ZNF710: variants seen among roughly 807,000 people sequenced by gnomAD.
ZNF710 encodes the protein zinc finger protein 710.
A neutral mutation model predicts 50.6 loss-of-function variants in ZNF710; 13 were observed. The observed-to-expected ratio is 0.26, with a 90% CI of 0.17 to 0.41. The LOEUF (loss-of-function observed/expected upper bound fraction) is 0.41. Among genes scored for constraint, ZNF710 ranks in the 10% least tolerant of loss-of-function variants. The pLI, the probability that ZNF710 is intolerant of heterozygous loss-of-function variation, is 1.00. For missense variants in ZNF710, 721 were observed against 936.6 expected (o/e 0.77, Z 3.01); for synonymous variants, 383 against 397.0 (o/e 0.96, Z 0.42).
At position 90,040,704 on chromosome 15, in the gene ZNF710, C is replaced by T. The variant is rs544090365; in HGVS notation, c.-28-26406C>T. On this transcript the variant is annotated intron_variant, in intron 1 of 4. Transcript: ENST00000268154. The surrounding 1 kb of genome is among the most constrained non-coding windows in gnomAD (Gnocchi z 4.6). ...GCTAAAGCAGCAGGCCCCGCCCCAC[C>T]TCGCTCCCCAACTCCAGCCCTCCAG... Among the ~76,000 whole-genome samples the T allele has an allele frequency of 5.9e-5, 9 of 152,046 alleles. No individual in the cohort carries two copies. The South Asian group carries it at 1.9e-3, about 32-fold the overall frequency.
rs138714308 is a variant in ZNF710 at position 90,068,684 on chromosome 15, T to G, written c.1458+89T>G. Reference sequence around the variant, plus strand: ...TTCCAAAGTCCCAGATGGGACCATTTAGGTGGTCTCCTAGTTTTATCGTTA... The same window carrying G: ...TTCCAAAGTCCCAGATGGGACCATTGAGGTGGTCTCCTAGTTTTATCGTTA... On this transcript the variant is annotated intron_variant, in intron 2 of 4. Coordinates refer to ENST00000268154, the MANE Select transcript of ZNF710 (RefSeq NM_198526.4). This position sits in a 1 kb window ranked among gnomAD's most constrained non-coding sequence, Gnocchi z 5.0. The G allele has an allele frequency of 3.3e-4, 464 of 1,401,856 alleles. 6 individuals carry two copies. In the African/African-American group the frequency reaches 6.0e-3, roughly 18 times the overall value. The allele number at this position is 1,401,856 out of a possible 1,614,324, so 86.8% of individuals were successfully genotyped here.
At chr15:90,029,807 G>A (rs895273648) in intron 1 of ZNF710, among the ~76,000 whole-genome samples, 20 of 151,728 alleles carry the variant, frequency 1.3e-4, no homozygotes, top group East Asian at 6.0e-4. Flanking sequence ...TAGAGATGGG[G>A]TTTCACCATG....
At chr15:90,074,367 A>T (rs746015006) in intron 4 of ZNF710, 77 bp downstream of exon 4, 1 of 1,591,680 alleles carries the variant, frequency 6.3e-7, no homozygotes, top group South Asian at 1.1e-5. Flanking sequence ...GCCCAGTTAG[A>T]GGAGTGGGGA....
intron 1 of ZNF710, among the ~76,000 whole-genome samples, chr15:90,019,831 G>A (rs924869299): frequency 4.6e-5 from 7 of 152,336 alleles, no homozygotes; most frequent in African/African-American, 1.4e-4. Context: ...GGGTGCCCGG[G>A]ACAGAGAGCT....
At chr15:90,069,792 C>T (rs1194302366) in intron 2 of ZNF710, among the ~76,000 whole-genome samples, 2 of 152,142 alleles carry the variant, frequency 1.3e-5, no homozygotes, top group Non-Finnish European at 2.9e-5. Flanking sequence ...TGTCCCTAAA[C>T]CCAGCCTTGA....
chr15:90,022,149 G>A (rs1005250313), intron 1 of ZNF710, among the ~76,000 whole-genome samples: 4 of 151,906 alleles, frequency 2.6e-5, no homozygotes, highest in Non-Finnish European at 5.9e-5. Flanking sequence ...TGGCCGAGGC[G>A]AGCGAATCAC....
rs556207337 is a variant in ZNF710, at chr15:90,043,805, C to T, written c.-28-23305C>T. Among the ~76,000 whole-genome samples the T allele has an allele frequency of 1.7e-3, 257 of 152,298 alleles. 6 individuals are homozygous for T. The highest frequency in any genetic ancestry group is 3.4e-3 in the Middle Eastern group (1 of 294). ...CCCCCGCCCTTTGTGTCTCTGCCTTCCTTCCCTTCACTTTTGCCTTTCATT... is the reference window on the plus strand; with the variant it reads ...CCCCCGCCCTTTGTGTCTCTGCCTTTCTTCCCTTCACTTTTGCCTTTCATT... On this transcript the variant is annotated intron_variant, in intron 1 of 4. Transcript: ENST00000268154.
At chr15:90,039,623 G>A (rs1383740798) in intron 1 of ZNF710, among the ~76,000 whole-genome samples, 1 of 152,132 alleles carries the variant, frequency 6.6e-6, no homozygotes, top group African/African-American at 2.4e-5. Flanking sequence ...AGGAGCCCTC[G>A]GTGCTGAGCT....
At chr15:90,018,981 T>C (rs1023559835) in intron 1 of ZNF710, among the ~76,000 whole-genome samples, 51 of 147,122 alleles carry the variant, frequency 3.5e-4, no homozygotes, top group Non-Finnish European at 4.8e-4. Context: ...TTTTGTTTTT[T>C]AGAAAATAGC....
chr15:90,023,995 A>G (rs1898698630), intron 1 of ZNF710, among the ~76,000 whole-genome samples: 1 of 144,982 alleles, frequency 6.9e-6, no homozygotes, highest in Non-Finnish European at 1.5e-5. Flanking sequence ...TGAGACCTTC[A>G]AAAAAAAAAA....
At chr15:90,063,366 C>T (rs1187906911) in intron 1 of ZNF710, among the ~76,000 whole-genome samples, 2 of 152,130 alleles carry the variant, frequency 1.3e-5, no homozygotes, top group Admixed American at 1.3e-4. Flanking sequence ...CGCACTACCC[C>T]ACCCCTGCCC....
chr15:90,077,880 G>A (rs954184479), intron 4 of ZNF710, among the ~76,000 whole-genome samples: 6 of 151,596 alleles, frequency 4.0e-5, no homozygotes, highest in Non-Finnish European at 7.4e-5. Context: ...CTGCACCCCA[G>A]CCTTGGCAAT....
At chr15:90,008,572 C>G (rs1898216172) in intron 1 of ZNF710, among the ~76,000 whole-genome samples, 1 of 150,402 alleles carries the variant, frequency 6.6e-6, no homozygotes, top group African/African-American at 2.5e-5. Flanking sequence ...TGCTTGAGCC[C>G]AGGAGTTTGA....
At chr15:90,037,861 G>A (rs1043736355) in intron 1 of ZNF710, among the ~76,000 whole-genome samples, 1 of 152,188 alleles carries the variant, frequency 6.6e-6, no homozygotes, top group African/African-American at 2.4e-5. Flanking sequence ...TAATACGGTC[G>A]CTAGGCTTCC....
intron 2 of ZNF710, among the ~76,000 whole-genome samples, chr15:90,071,517 C>A (rs1056583462): frequency 2.0e-5 from 3 of 151,976 alleles, no homozygotes; most frequent in Non-Finnish European, 4.4e-5. Flanking sequence ...GACACGGGAA[C>A]CATTAAGTTA....
Position 90,044,198 on chromosome 15 carries a change from G to A in ZNF710, c.-28-22912G>A, listed in dbSNP as rs937095615. Among the ~76,000 whole-genome samples the A allele has an allele frequency of 3.3e-5, 5 of 152,256 alleles. No homozygotes were observed. The South Asian group carries it at 1.0e-3, about 32-fold the overall frequency. On this transcript the variant is annotated intron_variant, in intron 1 of 4. Transcript: ENST00000268154. ...GTTCGTCACACAGGAGGAGTCCTGA[G>A]TGGGTCAGCAGGGATAGGTGACTGA...
At chr15:90,049,396 C>T (rs966086721) in intron 1 of ZNF710, among the ~76,000 whole-genome samples, 6 of 152,170 alleles carry the variant, frequency 3.9e-5, no homozygotes, top group East Asian at 1.9e-4. Context: ...TCAGTCGCAC[C>T]GCAGGCAGAG....
At chr15:89,999,649 C>G (rs1897970797), upstream of ZNF710, among the ~76,000 whole-genome samples, 1 of 151,836 alleles carries the variant, frequency 6.6e-6, no homozygotes, top group African/African-American at 2.4e-5. Context: ...CTCAGAGCAC[C>G]AGGAGCTGGT....
At position 90,073,178 on chromosome 15, in the gene ZNF710, C is replaced by T; in HGVS notation, c.1566C>T (p.His522=). ...IHTSVRPYQC[H]ICFKTFVQKQ... is the part of the protein sequence containing the mutation. ...CCAGCGTCCGGCCCTACCAGTGCCA[C>T]ATCTGCTTCAAGACCTTTGTACAGA... is the stretch of plus-strand genomic sequence containing the variant. Residue 522 remains histidine (H), a synonymous_variant, in exon 3 of 5, where the codon CAC becomes CAT. Transcript: ENST00000268154. 2 of 1,614,218 alleles carry T rather than the reference C, an allele frequency of 1.2e-6. No individual in the cohort carries two copies. The highest frequency in any genetic ancestry group is 2.2e-5 in the South Asian group (2 of 91,080).
Sources: gnomAD v4.1 joint callset for allele counts (sites outside exome capture counted in the v4.1 genomes callset) on GRCh38, gnomAD v4.1.1 for gene constraint, Gnocchi (gnomAD v3.1) non-coding constraint, MANE v1.5 for transcripts, NCBI Gene and HGNC (gene_info 2026-07-23, HGNC 2026-07-21) for gene names.